The following DCAKD variants were observed in gnomAD, a reference collection of about 807,000 sequenced individuals.
The protein encoded by DCAKD is dephospho-CoA kinase domain-containing protein.
Under a neutral mutation model 18.7 loss-of-function variants are expected in DCAKD, and 15 were observed. The observed-to-expected ratio is 0.80, with a 90% CI of 0.54 to 1.24. DCAKD has a LOEUF of 1.24. Among genes scored for constraint, DCAKD ranks in the 50% most tolerant of loss-of-function variants. The pLI is 0.00. For missense variants in DCAKD, 301 were observed against 322.0 expected, an observed-to-expected ratio of 0.93 and a Z score of 0.50; for synonymous variants, 130 against 133.0, an observed-to-expected ratio of 0.98 and a Z score of 0.16.
At chr17:45,054,579 G>A (rs1427356890), upstream of DCAKD, among the ~76,000 whole-genome samples, 1 of 152,106 alleles carries the variant, frequency 6.6e-6, no homozygotes, top group Non-Finnish European at 1.5e-5. Context: ...TCCAGTCTTG[G>A]CAGTTAGAAA....
At chr17:45,029,164 A>G (rs866929890) in intron 4 of DCAKD, among the ~76,000 whole-genome samples, 7 of 152,264 alleles carry the variant, frequency 4.6e-5, no homozygotes, top group South Asian at 2.1e-4. Flanking sequence ...GTTTACTCAC[A>G]TAAGGCAGCA....
Position 45,034,806 on chromosome 17 carries a change from G to T in DCAKD, c.80C>A (p.Ala27Glu). The T allele has an allele frequency of 6.2e-7, 1 of 1,614,150 alleles. No homozygotes were observed. Among genetic ancestry groups the T allele is most frequent in the Middle Eastern group, 1.6e-4 (1 of 6,062 alleles). ...VIQVFQQLGC[A>E]VIDVDVMARH... ...GGCCATCACGTCCACGTCAATCACC[G>T]CACAGCCCAGCTGCTGGAACACCTG... The change falls in exon 2 of 5, where the codon GCG becomes GAG. Residue 27 changes from alanine (A) to glutamate (E), a missense_variant. Physicochemically the swap from Ala to Glu is moderately radical, Grantham distance 107. Transcript: ENST00000651974.
chr17:45,044,856 A>G (rs1250247930), intron 1 of DCAKD, among the ~76,000 whole-genome samples: 1 of 152,228 alleles, frequency 6.6e-6, no homozygotes, highest in Non-Finnish European at 1.5e-5. Context: ...AAGCATTTAT[A>G]AGCATTCATT....
upstream of DCAKD, chr17:45,054,232 G>T: frequency 2.1e-6 from 1 of 486,728 alleles, no homozygotes; most frequent in Admixed American, 2.1e-5. Context: ...GGAACTCACT[G>T]CCACTCAAGA....
chr17:45,053,697 G>A (rs2053751199), upstream of DCAKD, among the ~76,000 whole-genome samples: 1 of 152,138 alleles, frequency 6.6e-6, no homozygotes. Context: ...TAGGATTACA[G>A]GCGTCAGCCA....
intron 1 of DCAKD, among the ~76,000 whole-genome samples, chr17:45,046,294 T>C (rs1010696948): frequency 5.3e-5 from 8 of 152,128 alleles, no homozygotes; most frequent in Non-Finnish European, 1.2e-4. Flanking sequence ...AGAGCAGCAC[T>C]TTCTCAAAGT....
Position 45,034,224 on chromosome 17 carries a change from C to T in DCAKD, c.279G>A (p.Lys93=). 1 of 1,614,100 alleles carries T rather than the reference C, an allele frequency of 6.2e-7. No individual in the cohort carries two copies. The highest frequency in any genetic ancestry group is 1.1e-5 in the South Asian group (1 of 91,060). ...LNAITHPEIR[K]EMMKETFKYF... ...ACTTGAACGTCTCCTTCATCATCTC[C>T]TTGCGAATCTCGGGGTGGGTGATGG... Residue 93 remains lysine (K), a synonymous_variant, in exon 3 of 5, where the codon AAG becomes AAA. Coordinates refer to ENST00000651974, the MANE Select transcript of DCAKD (RefSeq NM_001288655.2).
intron 1 of DCAKD, among the ~76,000 whole-genome samples, chr17:45,044,248 C>T (rs1397213383): frequency 6.6e-6 from 1 of 152,136 alleles, no homozygotes; most frequent in Admixed American, 6.6e-5. Flanking sequence ...GCCTGTGCCC[C>T]AATGTCCCCA....
intron 1 of DCAKD, among the ~76,000 whole-genome samples, chr17:45,049,736 TGAAACAGAGTC>T (rs2053650536): frequency 7.8e-6 from 1 of 127,592 alleles, no homozygotes; most frequent in Non-Finnish European, 1.7e-5. Flanking sequence ...TTTTTTTTTT[TGAAACAGAGTC>T]TTGCTCTTGT....
chr17:45,040,052 C>T (rs1216119095), intron 1 of DCAKD, among the ~76,000 whole-genome samples: 6 of 150,912 alleles, frequency 4.0e-5, no homozygotes, highest in African/African-American at 1.5e-4. Flanking sequence ...GAGATCATGC[C>T]ACTCTGGACT....
chr17:45,046,901 C>T (rs2053583473), intron 1 of DCAKD, among the ~76,000 whole-genome samples: 1 of 152,060 alleles, frequency 6.6e-6, no homozygotes, highest in East Asian at 1.9e-4. Context: ...TGAAAATCCC[C>T]TGGGCACCAG....
rs184614275 is a variant in DCAKD at position 45,029,407 on chromosome 17, T to A, written c.404+685A>T. 7.3e-4 allele frequency among the ~76,000 whole-genome samples: 111 copies of A among 152,306 alleles called. 1 individual carries two copies. Among genetic ancestry groups the A allele is most frequent in the Middle Eastern group, 3.4e-3 (1 of 294 alleles). On this transcript the variant is annotated intron_variant, in intron 4 of 4. Coordinates refer to ENST00000651974, the MANE Select transcript of DCAKD (RefSeq NM_001288655.2). Reference sequence around the variant, plus strand: ...GCAGAGCCAAGTGCCCACCTATGTGTCTGCTGTACTTGTGGGTGGCATCCG... The same window carrying A: ...GCAGAGCCAAGTGCCCACCTATGTGACTGCTGTACTTGTGGGTGGCATCCG...
chr17:45,037,820 G>A (rs2053338142), intron 1 of DCAKD, among the ~76,000 whole-genome samples: 1 of 148,940 alleles, frequency 6.7e-6, no homozygotes, highest in African/African-American at 2.5e-5. Context: ...AGGCTGGAGT[G>A]CAGTGGTGTG....
intron 3 of DCAKD, among the ~76,000 whole-genome samples, chr17:45,033,527 C>T (rs2053217410): frequency 1.3e-5 from 2 of 152,274 alleles, no homozygotes; most frequent in Admixed American, 6.5e-5. Context: ...GTATAGGGTG[C>T]AATCTCGGTT....
intron 4 of DCAKD, among the ~76,000 whole-genome samples, chr17:45,026,218 CTT>C (rs1180056946): frequency 2.5e-4 from 27 of 109,152 alleles, no homozygotes; most frequent in African/African-American, 9.0e-4. Flanking sequence ...CGCGCCTGGA[CTT>C]TTTTTTTTTT....
At chr17:45,036,985 CAG>C (rs1318550034) in intron 1 of DCAKD, among the ~76,000 whole-genome samples, 2 of 152,138 alleles carry the variant, frequency 1.3e-5, no homozygotes, top group African/African-American at 4.8e-5. Context: ...CACCAAATGA[CAG>C]GGGAGGCAGC....
chr17:45,054,692 C>T (rs2053761712), upstream of DCAKD, among the ~76,000 whole-genome samples: 2 of 152,256 alleles, frequency 1.3e-5, no homozygotes, highest in Middle Eastern at 3.4e-3. Flanking sequence ...CAATTCCCTT[C>T]CTTGATCAAA....
chr17:45,046,121 C>T (rs1256540171), intron 1 of DCAKD, among the ~76,000 whole-genome samples: 1 of 152,134 alleles, frequency 6.6e-6, no homozygotes, highest in Non-Finnish European at 1.5e-5. Context: ...AGCCACTGTG[C>T]CTGGCAACAT....
intron 1 of DCAKD, among the ~76,000 whole-genome samples, chr17:45,060,572 T>C (rs1254458432): frequency 6.6e-6 from 1 of 151,992 alleles, no homozygotes; most frequent in Non-Finnish European, 1.5e-5. Flanking sequence ...TGGAAAATTC[T>C]TGTGGGGAAT....
Sources: allele counts gnomAD v4.1 joint callset (sites outside exome capture counted in the v4.1 genomes callset), GRCh38; gene constraint gnomAD v4.1.1; transcripts MANE v1.5; gene names NCBI Gene and HGNC (gene_info 2026-07-23, HGNC 2026-07-21).